The following TRIM5 variants were observed in gnomAD, a reference collection of about 807,000 sequenced individuals.
TRIM5 encodes tripartite motif-containing protein 5.
A neutral mutation model predicts 35.6 loss-of-function variants in TRIM5; 31 were observed. The observed-to-expected ratio is 0.87, with a 90% confidence interval of 0.65 to 1.18. The LOEUF (loss-of-function observed/expected upper bound fraction) is 1.18. Ranked by LOEUF, TRIM5 falls within the 50% of genes most tolerant of loss-of-function variation. The probability of loss-of-function intolerance (pLI) is 0.00; values close to 1 mark genes in which losing one functional copy is unlikely to be tolerated. For missense variants in TRIM5, 609 were observed against 591.6 expected (o/e 1.03, Z -0.31); for synonymous variants, 243 against 215.6 (o/e 1.13, Z -1.11).
At chr11:5,603,465 A>AG in the TRIM5 span, 1 of 1,613,990 alleles carries the variant, frequency 6.2e-7, no homozygotes, top group Non-Finnish European at 8.5e-7. Flanking sequence ...TTGGTCAAGA[A>AG]GGGGAAAGAA....
At chr11:5,650,931 C>A in the TRIM5 span, among the ~76,000 whole-genome samples, 5 of 152,156 alleles carry the variant, frequency 3.3e-5, no homozygotes, top group Non-Finnish European at 7.3e-5. Context: ...TTTCAAGCAC[C>A]ATTGTATTGG....
the TRIM5 span, among the ~76,000 whole-genome samples, chr11:5,606,265 G>A: frequency 6.6e-6 from 1 of 152,190 alleles, no homozygotes; most frequent in Non-Finnish European, 1.5e-5. Context: ...GGTTTTGGGG[G>A]TCTGGGCTCT....
chr11:5,593,803 C>G, the TRIM5 span, among the ~76,000 whole-genome samples: 158 of 152,298 alleles, frequency 1.0e-3, no homozygotes, highest in African/African-American at 3.5e-3. Flanking sequence ...TGCAAGTACT[C>G]TGAGTATTCA....
the TRIM5 span, among the ~76,000 whole-genome samples, chr11:5,594,720 G>C: frequency 6.6e-6 from 1 of 152,146 alleles, no homozygotes; most frequent in South Asian, 2.1e-4. Context: ...AATGGCCTGA[G>C]AAGGGACTCT....
At chr11:5,683,877 G>C (rs1054298379) in intron 1 of TRIM5, 3 of 152,242 alleles carry the variant, frequency 2.0e-5, no homozygotes, top group African/African-American at 7.2e-5. Context: ...GGCAACCTGC[G>C]CTGGTCCCCT....
intron 6 of TRIM5, 40 bp downstream of exon 6, chr11:5,665,941 T>C: frequency 1.3e-6 from 2 of 1,576,306 alleles, no homozygotes; most frequent in East Asian, 2.2e-5. Flanking sequence ...CTAACACCAC[T>C]TGAATTCCAT....
the TRIM5 span, chr11:5,641,054 T>G: frequency 2.1e-6 from 3 of 1,400,676 alleles, no homozygotes; most frequent in Middle Eastern, 3.9e-4. Context: ...GTTGACATTT[T>G]CATATAACTC....
At chr11:5,603,254 A>G in the TRIM5 span, 2 of 1,613,328 alleles carry the variant, frequency 1.2e-6, no homozygotes, top group South Asian at 2.2e-5. Context: ...AGGATTCTAC[A>G]GGCAGGAAAC....
chr11:5,653,436 C>G, the TRIM5 span, among the ~76,000 whole-genome samples: 1 of 151,480 alleles, frequency 6.6e-6, no homozygotes, highest in African/African-American at 2.4e-5. Flanking sequence ...TCTCATCTAT[C>G]CTCCTTCTGG....
At chr11:5,589,031 C>A in the TRIM5 span, 1 of 152,082 alleles carries the variant, frequency 6.6e-6, no homozygotes, top group African/African-American at 2.4e-5. Context: ...GATGATCCGC[C>A]CGCCTCGGCC....
chr11:5,661,192 G>C (rs1181473796), downstream of TRIM5, among the ~76,000 whole-genome samples: 1 of 150,074 alleles, frequency 6.7e-6, no homozygotes, highest in Non-Finnish European at 1.5e-5. Flanking sequence ...CTTGTGACAA[G>C]TATAGCATCA....
At chr11:5,634,694 A>C in the TRIM5 span, 1 of 1,614,110 alleles carries the variant, frequency 6.2e-7, no homozygotes, top group Non-Finnish European at 8.5e-7. Flanking sequence ...AAGCATCCTA[A>C]ATAATGAGGA....
the TRIM5 span, among the ~76,000 whole-genome samples, chr11:5,599,121 G>A: frequency 6.6e-6 from 1 of 152,056 alleles, no homozygotes; most frequent in African/African-American, 2.4e-5. Flanking sequence ...TTATCTTGTT[G>A]TATATATTAA....
chr11:5,642,734 T>A, the TRIM5 span: 1 of 1,571,830 alleles, frequency 6.4e-7, no homozygotes, highest in Non-Finnish European at 8.7e-7. Flanking sequence ...TCCCTTCCCC[T>A]GTCCCTACTC....
At chr11:5,600,806 G>A in the TRIM5 span, among the ~76,000 whole-genome samples, 5 of 152,238 alleles carry the variant, frequency 3.3e-5, no homozygotes, top group South Asian at 2.1e-4. Context: ...GCGAGGTCAC[G>A]CCTGGAACCA....
At chr11:5,626,531 T>A in the TRIM5 span, 1 of 152,158 alleles carries the variant, frequency 6.6e-6, no homozygotes, top group Admixed American at 6.5e-5. Context: ...TCCCACGGGC[T>A]TAAAAGGAGA....
chr11:5,676,198 G>A (rs906634392), intron 4 of TRIM5, among the ~76,000 whole-genome samples: 2 of 151,772 alleles, frequency 1.3e-5, no homozygotes, highest in African/African-American at 4.8e-5. Flanking sequence ...ATGATTTATA[G>A]TCCTTTGGGT....
Position 5,665,045 on chromosome 11 carries a change from T to G in TRIM5, c.1246A>C (p.Ser416Arg). The G allele has an allele frequency of 6.2e-7, 1 of 1,614,046 alleles. No homozygotes were observed. Among genetic ancestry groups the G allele is most frequent in the Non-Finnish European group, 8.5e-7 (1 of 1,180,008 alleles). Residue 416 changes from serine to arginine, a missense_variant, in exon 8 of 8, where the codon AGT becomes CGT. Ser to Arg is a moderately radical substitution (Grantham distance 110). Coordinates refer to ENST00000380034, the MANE Select transcript of TRIM5 (RefSeq NM_033034.3). ...GGAACAGAAGGAGTATGGAAGGAAC[T>G]ATCCTGGAAAGCACTACATTTAACT... ...EGVKCSAFQD[S>R]SFHTPSVPFI...
At chr11:5,615,760 A>ATTT in the TRIM5 span, among the ~76,000 whole-genome samples, 1 of 150,258 alleles carries the variant, frequency 6.7e-6, no homozygotes, top group Non-Finnish European at 1.5e-5. Flanking sequence ...CGTCCGGCTA[A>ATTT]TATTGTATTT....
Sources: gnomAD v4.1 joint callset for allele counts (sites outside exome capture counted in the v4.1 genomes callset) on GRCh38, gnomAD v4.1.1 for gene constraint, MANE v1.5 for transcripts, NCBI Gene and HGNC (gene_info 2026-07-23, HGNC 2026-07-21) for gene names.